Variants in TKFC observed in about 807,000 individuals in gnomAD.
TKFC encodes triokinase/FMN cyclase.
In TKFC, 46 loss-of-function variants were observed where a neutral mutation model predicts 61.0. That is an observed-to-expected ratio of 0.75 (90% CI 0.60 to 0.96). The LOEUF is 0.96. Among genes scored for constraint, TKFC ranks in the 50% least tolerant of loss-of-function variants. TKFC has a pLI of 0.00. For synonymous variants in TKFC, 314 were observed against 330.1 expected, an observed-to-expected ratio of 0.95 and a Z score of 0.53; for missense variants, 715 against 777.5, an observed-to-expected ratio of 0.92 and a Z score of 0.96.
chr11:61,335,150 G>A lies in TKFC; in HGVS notation c.3+419G>A, dbSNP rs75380826. Reference sequence around the variant, plus strand: ...ATCTACAGTGTGGGAGGCTGGCCATGTCCCTGGGCTTTGCTCCAGGCCCAC... The same window carrying A: ...ATCTACAGTGTGGGAGGCTGGCCATATCCCTGGGCTTTGCTCCAGGCCCAC... On this transcript the variant is annotated intron_variant, in intron 2 of 17. Coordinates refer to ENST00000394900, the MANE Select transcript of TKFC (RefSeq NM_015533.4). Among the ~76,000 whole-genome samples the A allele has an allele frequency of 3.3e-3, 502 of 152,302 alleles. 5 individuals are homozygous for A. The highest frequency in any genetic ancestry group is 0.012 in the African/African-American group (487 of 41,564).
intron 2 of TKFC, chr11:61,336,000 A>C (rs1308690846): frequency 1.3e-5 from 2 of 152,158 alleles, no homozygotes; most frequent in African/African-American, 4.8e-5. Flanking sequence ...CTCCATGTTG[A>C]TCAGGCTAGT....
chr11:61,344,711 A>C (rs1857033212), intron 13 of TKFC, among the ~76,000 whole-genome samples: 1 of 152,214 alleles, frequency 6.6e-6, no homozygotes, highest in African/African-American at 2.4e-5. Context: ...GTTATCTTAG[A>C]ATTAAATGAA....
chr11:61,348,652 G>A lies in TKFC; in HGVS notation c.*2149G>A, dbSNP rs1857257025. 1.2e-5 allele frequency: 4 copies of A among 320,212 alleles called. No individual in the cohort carries two copies. The South Asian group carries it at 4.9e-4, about 39-fold the overall frequency. 19.8% of individuals were successfully genotyped at this position (320,212 alleles called of 1,614,324 possible). ...CATGTGAGGTTATGGTGAGAAGATG[G>A]TCTCTGAGGAAGCTGGCCCTTGCCA... On this transcript the variant is annotated 3_prime_UTR_variant, in exon 18 of 18. Transcript: ENST00000394900.
downstream of TKFC, chr11:61,350,119 G>A (rs1016189842): frequency 6.1e-5 from 35 of 576,414 alleles, no homozygotes; most frequent in African/African-American, 6.0e-4. Context: ...CAAGCAGCCA[G>A]AGAAGGCAGG....
At chr11:61,349,275 C>CA, downstream of TKFC, 1 of 433,884 alleles carries the variant, frequency 2.3e-6, no homozygotes. Flanking sequence ...ATGGTGGGGC[C>CA]AGGTGAAGCA....
chr11:61,345,284 G>T lies in TKFC; in HGVS notation c.1265G>T (p.Gly422Val). The T allele has an allele frequency of 6.3e-7, 1 of 1,588,308 alleles. No individual in the cohort carries two copies. The highest frequency in any genetic ancestry group is 1.1e-5 in the South Asian group (1 of 87,794). The change falls in exon 14 of 18, where the codon GGC (glycine) becomes GTC (valine). Residue 422 changes from glycine (G) to valine (V), a missense_variant. Coordinates refer to ENST00000394900, the MANE Select transcript of TKFC (RefSeq NM_015533.4). ...ARAIQEWLKE[G>V]PPPASPAQLL... is the part of the protein sequence containing the mutation. ...GCAATCCAGGAGTGGCTGAAGGAGG[G>T]CCCACCCCCTGCCAGCCCTGCCCAG... is the stretch of plus-strand genomic sequence containing the variant.
chr11:61,350,950 T>C (rs759434171), downstream of TKFC: 1 of 1,586,660 alleles, frequency 6.3e-7, no homozygotes, highest in Non-Finnish European at 8.6e-7. Flanking sequence ...TCTCTAGACC[T>C]GGCCCTGTCC....
At chr11:61,343,223 A>T (rs999634344) in intron 10 of TKFC, 119 bp from the exon 11 acceptor site, 5 of 906,486 alleles carry the variant, frequency 5.5e-6, no homozygotes, top group Non-Finnish European at 8.7e-6. Context: ...GCCAGGAGGA[A>T]ATCAGGACAT....
chr11:61,343,739 C>T, intron 11 of TKFC, 117 bp from the exon 12 acceptor site: 3 of 1,445,172 alleles, frequency 2.1e-6, no homozygotes, highest in Non-Finnish European at 2.8e-6. Context: ...AGGTGGACTC[C>T]CTTCCTCCAG....
At position 61,344,252 on chromosome 11, in the gene TKFC, A is replaced by T; in HGVS notation, c.1219A>T (p.Thr407Ser). 1.9e-6 allele frequency: 3 copies of T among 1,612,440 alleles called. No individual in the cohort carries two copies. The South Asian group carries it at 3.3e-5, about 18-fold the overall frequency. Residue 407 changes from threonine (T) to serine (S), a missense_variant, in exon 13 of 18, where the codon ACC becomes TCC. Physicochemically the swap from Thr to Ser is moderately conservative, Grantham distance 58. Coordinates refer to ENST00000394900, the MANE Select transcript of TKFC (RefSeq NM_015533.4). ...TGCTGGTGACGGCGACTGTGGCACC[A>T]CCCACAGCCGTGCGGCCAGAGGTTG... is the stretch of plus-strand genomic sequence containing the variant. ...RAAGDGDCGTTHSRAARAIQE... is the reference protein window; with the variant it reads ...RAAGDGDCGTSHSRAARAIQE...
intron 1 of TKFC, 179 bp downstream of exon 1, chr11:61,333,508 C>A (rs1488881681): frequency 6.6e-6 from 1 of 152,444 alleles, no homozygotes; most frequent in Non-Finnish European, 1.5e-5. Context: ...TCGTGCATAT[C>A]CCAGACTAGA....
rs374328298 is a variant in TKFC at position 61,337,919 on chromosome 11, C to G, written c.4-22C>G. 11 of 1,585,698 alleles carry G rather than the reference C, an allele frequency of 6.9e-6. No individual in the cohort carries two copies. In the African/African-American group the frequency reaches 1.2e-4, roughly 18 times the overall value. On this transcript the variant is annotated intron_variant, in intron 2 of 17. Transcript: ENST00000394900. Reference sequence around the variant, plus strand: ...ATCTGTACTGACCACATTCTGACCTCCTTCTCACTCCTCCCTTGCAGACCT... The same window carrying G: ...ATCTGTACTGACCACATTCTGACCTGCTTCTCACTCCTCCCTTGCAGACCT...
chr11:61,350,204 G>A (rs113572858), downstream of TKFC: 15 of 699,072 alleles, frequency 2.1e-5, no homozygotes, highest in South Asian at 2.8e-4. Context: ...CCAGCACCCA[G>A]GCAAAGCCAC....
downstream of TKFC, chr11:61,350,748 A>G (rs1457848470): frequency 5.0e-6 from 3 of 604,578 alleles, no homozygotes; most frequent in African/African-American, 3.7e-5. Context: ...CCACAGAACC[A>G]CAGTGATTTG....
intron 16 of TKFC, 30 bp from the exon 17 acceptor site, chr11:61,345,808 CCTCGGTTGCAGGGCCCGTG>C: frequency 6.2e-7 from 1 of 1,614,134 alleles, no homozygotes; most frequent in Middle Eastern, 1.6e-4. Flanking sequence ...TAAAGAGCAC[CCTCGGTTGCAGGGCCCGTG>C]CTCAGCCCCC....
Position 61,334,746 on chromosome 11 carries a change from G to A in TKFC, c.3+15G>A, listed in dbSNP as rs202184867. 8.7e-6 allele frequency: 14 copies of A among 1,614,064 alleles called. No individual in the cohort carries two copies. The African/African-American group carries it at 1.5e-4, about 17-fold the overall frequency. ...TCCACACCATGGTGAGTCATACAGGGCCGGGACGGGAATGGCAGCATGGTC... is the reference window on the plus strand; with the variant it reads ...TCCACACCATGGTGAGTCATACAGGACCGGGACGGGAATGGCAGCATGGTC... On this transcript the variant is annotated intron_variant, in intron 2 of 17. Transcript: ENST00000394900.
At chr11:61,343,041 T>C (rs1350160228) in intron 10 of TKFC, 197 bp downstream of exon 10, 2 of 632,940 alleles carry the variant, frequency 3.2e-6, no homozygotes, top group African/African-American at 3.7e-5. Context: ...TGGTACCTGC[T>C]TTATACCGTT....
At chr11:61,352,907 C>T (rs1227548650), downstream of TKFC, 6 of 1,610,788 alleles carry the variant, frequency 3.7e-6, no homozygotes, top group African/African-American at 6.7e-5. Flanking sequence ...TGGGTGAGTC[C>T]TGTGATCACA....
At chr11:61,349,577 G>A (rs908659080), downstream of TKFC, 33 of 702,888 alleles carry the variant, frequency 4.7e-5, no homozygotes, top group East Asian at 2.9e-4. Flanking sequence ...TTGTAGGGCT[G>A]CCTGCCGGTG....
Sources: gnomAD v4.1 joint callset for allele counts (sites outside exome capture counted in the v4.1 genomes callset) on GRCh38, gnomAD v4.1.1 for gene constraint, MANE v1.5 for transcripts, NCBI Gene and HGNC (gene_info 2026-07-23, HGNC 2026-07-21) for gene names.